Variants in ADCY2 observed in about 807,000 individuals in gnomAD.
ADCY2 encodes the protein adenylate cyclase 2.
A neutral mutation model predicts 125.2 loss-of-function variants in ADCY2; 31 were observed. The observed-to-expected ratio is 0.25, with a 90% CI of 0.19 to 0.33. ADCY2 has a LOEUF of 0.33. Ranked by LOEUF, ADCY2 falls within the 10% of genes least tolerant of loss-of-function variation. The probability of loss-of-function intolerance (pLI) is 1.00; values close to 1 mark genes in which losing one functional copy is unlikely to be tolerated. For synonymous variants in ADCY2, 512 were observed against 548.4 expected (o/e 0.93, Z 0.93); for missense variants, 904 against 1,418.2 (o/e 0.64, Z 5.82).
chr5:7,683,335 G>A (rs184552663), intron 4 of ADCY2, among the ~76,000 whole-genome samples: 1 of 152,358 alleles, frequency 6.6e-6, no homozygotes, highest in East Asian at 1.9e-4. Context: ...ATTCAGGGAC[G>A]GAGGACATAG....
chr5:7,697,315 G>A (rs1423066073), intron 6 of ADCY2, among the ~76,000 whole-genome samples: 2 of 152,072 alleles, frequency 1.3e-5, no homozygotes, highest in East Asian at 1.9e-4. Flanking sequence ...ATACACCCTC[G>A]GCTGACTATC....
At chr5:7,435,527 A>G (rs1740765602) in intron 2 of ADCY2, among the ~76,000 whole-genome samples, 1 of 152,224 alleles carries the variant, frequency 6.6e-6, no homozygotes, top group Admixed American at 6.5e-5. Flanking sequence ...TAAGTGCAGG[A>G]AACACTCTCA....
intron 2 of ADCY2, among the ~76,000 whole-genome samples, chr5:7,435,394 T>G (rs960139848): frequency 9.9e-5 from 15 of 152,204 alleles, no homozygotes; most frequent in Non-Finnish European, 7.3e-5. Flanking sequence ...TTAACACATC[T>G]GCCAGTGGGA....
intron 22 of ADCY2, among the ~76,000 whole-genome samples, chr5:7,806,918 C>T (rs1475771222): frequency 6.6e-6 from 1 of 152,160 alleles, no homozygotes; most frequent in Non-Finnish European, 1.5e-5. Context: ...GATTGCTGAG[C>T]TTCTTTCTCC....
chr5:7,453,733 C>A (rs899530174), intron 2 of ADCY2, among the ~76,000 whole-genome samples: 1 of 152,080 alleles, frequency 6.6e-6, no homozygotes, highest in African/African-American at 2.4e-5. Context: ...GTCCCTTCTC[C>A]CCTGATTCTT....
At position 7,511,403 on chromosome 5, in the gene ADCY2, G is replaced by A. The variant is rs183732088; in HGVS notation, c.409-9335G>A. 8.4e-3 allele frequency among the ~76,000 whole-genome samples: 1,275 copies of A among 151,838 alleles called. 7 individuals are homozygous for A. The highest frequency in any genetic ancestry group is 0.013 in the Non-Finnish European group (869 of 67,918). ...ATCCTGGCCAACATGGTGAAACCCC[G>A]TCTCTACTAAAAATACAAAAAATTA... is the stretch of plus-strand genomic sequence containing the variant. On this transcript the variant is annotated intron_variant, in intron 2 of 24. Coordinates refer to ENST00000338316, the MANE Select transcript of ADCY2 (RefSeq NM_020546.3).
intron 22 of ADCY2, among the ~76,000 whole-genome samples, chr5:7,811,613 T>G (rs1439239263): frequency 6.6e-6 from 1 of 152,184 alleles, no homozygotes; most frequent in Non-Finnish European, 1.5e-5. Context: ...TTTTAGTTAC[T>G]TATTATATCT....
rs144027616 is a variant in ADCY2 at position 7,791,320 on chromosome 5, G to A, written c.2628+1520G>A. ...GGGAGTGCATGCGCAAAAGAGGTGG[G>A]GGTCACCTGTAGATGGATGAACTCC... On this transcript the variant is annotated intron_variant, in intron 20 of 24. Coordinates refer to ENST00000338316, the MANE Select transcript of ADCY2 (RefSeq NM_020546.3). Among the ~76,000 whole-genome samples, 461 of 152,148 alleles carry A rather than the reference G, an allele frequency of 3.0e-3. 2 individuals are homozygous for A. Among genetic ancestry groups the A allele is most frequent in the Non-Finnish European group, 5.6e-3 (383 of 68,012 alleles).
At chr5:7,813,086 T>C (rs1182825251) in intron 22 of ADCY2, among the ~76,000 whole-genome samples, 1 of 152,218 alleles carries the variant, frequency 6.6e-6, no homozygotes, top group East Asian at 1.9e-4. Context: ...CTCTCCCAGG[T>C]AAGCTGATTA....
intron 3 of ADCY2, among the ~76,000 whole-genome samples, chr5:7,575,181 A>G (rs1313835936): frequency 1.3e-5 from 2 of 152,290 alleles, no homozygotes; most frequent in East Asian, 1.9e-4. Flanking sequence ...AAATTTTTAA[A>G]TTAAAAAATA....
At chr5:7,763,164 G>A (rs1743283157) in intron 16 of ADCY2, among the ~76,000 whole-genome samples, 1 of 151,938 alleles carries the variant, frequency 6.6e-6, no homozygotes, top group Non-Finnish European at 1.5e-5. Flanking sequence ...CGGGATCTCG[G>A]CTCACTGCAA....
Position 7,826,814 on chromosome 5 carries a change from G to T in ADCY2, c.3219G>T (p.Thr1073=), listed in dbSNP as rs570658451. 5 of 1,613,982 alleles carry T rather than the reference G, an allele frequency of 3.1e-6. No individual in the cohort carries two copies. The highest frequency in any genetic ancestry group is 1.1e-5 in the South Asian group (1 of 91,074). ...TGAAAGGAAAGGGGGACCTGAAGAC[G>T]TACTTTGTAAACACAGAAATGTCAA... ...INVKGKGDLK[T]YFVNTEMSRS... The change falls in exon 25 of 25, where the codon ACG becomes ACT. Residue 1073 remains threonine, a synonymous_variant. Coordinates refer to ENST00000338316, the MANE Select transcript of ADCY2 (RefSeq NM_020546.3).
At chr5:7,402,229 C>T (rs1020556034) in intron 1 of ADCY2, among the ~76,000 whole-genome samples, 2 of 152,178 alleles carry the variant, frequency 1.3e-5, no homozygotes, top group Non-Finnish European at 2.9e-5. Flanking sequence ...TCCACATCTC[C>T]GTGCCTTATA....
chr5:7,440,097 A>G (rs550332952), intron 2 of ADCY2, among the ~76,000 whole-genome samples: 3 of 152,270 alleles, frequency 2.0e-5, no homozygotes, highest in Admixed American at 1.3e-4. Flanking sequence ...GAGAGAATTT[A>G]AAAATGATAA....
At position 7,816,872 on chromosome 5, in the gene ADCY2, G is replaced by A. The variant is rs2126537610; in HGVS notation, c.2890G>A (p.Glu964Lys). Residue 964 changes from glutamate to lysine, a missense_variant, in exon 23 of 25, where the codon GAG (glutamate) becomes AAG (lysine). By Grantham distance (56) the Glu-to-Lys change is moderately conservative (BLOSUM62 1). This residue lies in a region of ADCY2 where 181 missense variants were observed against 381.6 expected (regional missense o/e 0.47). Transcript: ENST00000338316. ...VPSQEHSQEPERQYMHIGTMV... is the reference protein window; with the variant it reads ...VPSQEHSQEPKRQYMHIGTMV... ...TGTGTGTGTTTGTTCTCAGGAGCCC[G>A]AGCGGCAGTACATGCACATTGGCAC... 1 of 1,614,026 alleles carries A rather than the reference G, an allele frequency of 6.2e-7. No individual in the cohort carries two copies. The highest frequency in any genetic ancestry group is 8.5e-7 in the Non-Finnish European group (1 of 1,179,914).
intron 3 of ADCY2, among the ~76,000 whole-genome samples, chr5:7,596,330 C>T (rs1232613664): frequency 1.3e-5 from 2 of 152,048 alleles, no homozygotes; most frequent in African/African-American, 4.8e-5. Context: ...ATACGAAACT[C>T]CAGGTCCACA....
chr5:7,447,107 G>A (rs1741291784), intron 2 of ADCY2, among the ~76,000 whole-genome samples: 1 of 151,988 alleles, frequency 6.6e-6, no homozygotes, highest in Non-Finnish European at 1.5e-5. Context: ...TCCCTTAGTC[G>A]GTCATCTGGT....
chr5:7,397,239 T>C (rs1388364446), intron 1 of ADCY2, among the ~76,000 whole-genome samples: 1 of 152,102 alleles, frequency 6.6e-6, no homozygotes, highest in African/African-American at 2.4e-5. Context: ...ACGAGGAGTA[T>C]AATGCAGCTC....
intron 2 of ADCY2, among the ~76,000 whole-genome samples, chr5:7,487,972 T>C (rs1743004194): frequency 1.3e-5 from 2 of 152,168 alleles, no homozygotes; most frequent in Admixed American, 1.3e-4. Flanking sequence ...TTAAAAGGGC[T>C]TTTTAATGTT....
Sources: gnomAD v4.1 joint callset for allele counts (sites outside exome capture counted in the v4.1 genomes callset) on GRCh38, gnomAD v4.1.1 for gene constraint, gnomAD v4.1.1 regional missense constraint, MANE v1.5 for transcripts, NCBI Gene and HGNC (gene_info 2026-07-23, HGNC 2026-07-21) for gene names.